IL1RAPL1: variants seen among roughly 807,000 people sequenced by gnomAD.
The protein encoded by IL1RAPL1 is interleukin 1 receptor accessory protein like 1, also known as interleukin-1 receptor accessory protein-like 1.
Under a neutral mutation model 48.4 loss-of-function variants are expected in IL1RAPL1, and 3 were observed. The observed-to-expected ratio is 0.06, with a 90% CI of 0.03 to 0.16. The LOEUF (loss-of-function observed/expected upper bound fraction) is 0.16. Ranked by LOEUF, IL1RAPL1 falls within the 10% of genes least tolerant of loss-of-function variation. The probability of loss-of-function intolerance (pLI) is 1.00; values close to 1 mark genes in which losing one functional copy is unlikely to be tolerated. For missense variants in IL1RAPL1, 349 were observed against 530.6 expected (o/e 0.66, Z 3.36); for synonymous variants, 185 against 187.7 (o/e 0.99, Z 0.12).
At chrX:29,899,254 G>C (rs1422289157) in intron 6 of IL1RAPL1, among the ~76,000 whole-genome samples, 2 of 111,074 alleles carry the variant, frequency 1.8e-5, no homozygotes, top group African/African-American at 6.6e-5. Flanking sequence ...AGAATTTTGA[G>C]GGTTGTCAGA....
At chrX:29,821,344 G>A (rs1404634981) in intron 6 of IL1RAPL1, among the ~76,000 whole-genome samples, 4 of 110,625 alleles carry the variant, frequency 3.6e-5, no homozygotes, top group Non-Finnish European at 7.6e-5. Flanking sequence ...CAGCTACTCG[G>A]GAGGCTGAGG....
At chrX:29,641,934 A>G (rs1925181843) in intron 5 of IL1RAPL1, among the ~76,000 whole-genome samples, 1 of 112,399 alleles carries the variant, frequency 8.9e-6, no homozygotes, top group Non-Finnish European at 1.9e-5. Flanking sequence ...TGAAAAGCAC[A>G]TCTTGCTGCA....
intron 2 of IL1RAPL1, among the ~76,000 whole-genome samples, chrX:28,796,314 T>C (rs1262067934): frequency 9.0e-6 from 1 of 110,822 alleles, no homozygotes; most frequent in Non-Finnish European, 1.9e-5. Context: ...ATCACAACAG[T>C]CCCCCAAAGT....
intron 5 of IL1RAPL1, among the ~76,000 whole-genome samples, chrX:29,551,765 G>A (rs1198853600): frequency 2.7e-5 from 3 of 109,973 alleles, no homozygotes; most frequent in Admixed American, 9.7e-5. Flanking sequence ...ACATTCTCAA[G>A]GTCTCTCTTT....
chrX:29,613,712 CGTGTGTGTGTGTGTGTGTGTGT>C (rs753582133), intron 5 of IL1RAPL1, among the ~76,000 whole-genome samples: 18 of 58,801 alleles, frequency 3.1e-4, no homozygotes, highest in Non-Finnish European at 5.2e-4. Context: ...GGGTTTTTTT[CGTGTGTGTGTGTGTGTGTGTGT>C]GTGTGTGTGT....
At position 29,917,371 on chromosome X, in the gene IL1RAPL1, A is replaced by G. The variant is rs767397691; in HGVS notation, c.779-93A>G. The G allele has an allele frequency of 8.2e-5, 64 of 779,411 alleles. No homozygotes were observed. The East Asian group carries it at 2.0e-3, about 24-fold the overall frequency. The allele number at this position is 779,411 out of a possible 1,213,427, so 64.2% of individuals were successfully genotyped here. On this transcript the variant is annotated intron_variant, in intron 6 of 10. Transcript: ENST00000378993. Reference sequence around the variant, plus strand: ...TTTTAGAAAGATATTTTATTAAATCAATGAAAAGTGATCAAAATGTTACCT... The same window carrying G: ...TTTTAGAAAGATATTTTATTAAATCGATGAAAAGTGATCAAAATGTTACCT...
intron 2 of IL1RAPL1, among the ~76,000 whole-genome samples, chrX:29,209,511 G>T (rs1293636753): frequency 8.9e-6 from 1 of 111,862 alleles, no homozygotes; most frequent in Non-Finnish European, 1.9e-5. Context: ...TGGGAATAGC[G>T]AATTCCAAGC....
intron 2 of IL1RAPL1, among the ~76,000 whole-genome samples, chrX:28,827,447 C>A (rs766675024): frequency 1.8e-3 from 201 of 111,160 alleles, no homozygotes; most frequent in African/African-American, 6.3e-3. Flanking sequence ...TAATATGAAA[C>A]AGGAAGTGAT....
intron 1 of IL1RAPL1, among the ~76,000 whole-genome samples, chrX:28,614,174 C>T (rs1400610682): frequency 9.7e-5 from 8 of 82,261 alleles, no homozygotes; most frequent in Middle Eastern, 6.5e-3. Context: ...CATAAGCTTT[C>T]GTTCTTGTTT....
At chrX:29,343,808 A>G (rs759836544) in intron 3 of IL1RAPL1, among the ~76,000 whole-genome samples, 4 of 111,443 alleles carry the variant, frequency 3.6e-5, no homozygotes, top group East Asian at 5.6e-4. Flanking sequence ...AAGATTCCCA[A>G]AAACATTAGT....
rs189559431 is a variant in IL1RAPL1, at chrX:29,382,481, C to T, written c.363-13777C>T. Among the ~76,000 whole-genome samples the T allele has an allele frequency of 7.2e-5, 8 of 111,355 alleles. No individual in the cohort carries two copies. In the East Asian group the frequency reaches 1.4e-3, roughly 20 times the overall value. ...CAGTGTAATTATTCCACCTCCCCTACGGCCAGGGATCAGTGTTTTTCATAT... is the reference window on the plus strand; with the variant it reads ...CAGTGTAATTATTCCACCTCCCCTATGGCCAGGGATCAGTGTTTTTCATAT... On this transcript the variant is annotated intron_variant, in intron 3 of 10. Coordinates refer to ENST00000378993, the MANE Select transcript of IL1RAPL1 (RefSeq NM_014271.4).
chrX:29,858,827 G>A (rs1347096841), intron 6 of IL1RAPL1, among the ~76,000 whole-genome samples: 1 of 110,076 alleles, frequency 9.1e-6, no homozygotes, highest in Non-Finnish European at 1.9e-5. Flanking sequence ...TTTAGTCCTA[G>A]TCCTGCATGG....
chrX:29,232,961 G>A (rs1931228176), intron 2 of IL1RAPL1, among the ~76,000 whole-genome samples: 1 of 109,408 alleles, frequency 9.1e-6, no homozygotes, highest in South Asian at 4.0e-4. Flanking sequence ...ACCGCACCCA[G>A]CTAATTTTTA....
At chrX:29,768,258 G>A (rs1205488006) in intron 6 of IL1RAPL1, among the ~76,000 whole-genome samples, 1 of 111,620 alleles carries the variant, frequency 9.0e-6, no homozygotes, top group Non-Finnish European at 1.9e-5. Flanking sequence ...TGCATTTTAA[G>A]CAGAAAGAAA....
intron 2 of IL1RAPL1, among the ~76,000 whole-genome samples, chrX:28,831,566 GT>G (rs1396321720): frequency 9.1e-6 from 1 of 110,075 alleles, no homozygotes; most frequent in Non-Finnish European, 1.9e-5. Flanking sequence ...CTAGGCTATT[GT>G]TTTTTTCAAG....
chrX:29,536,928 G>A (rs1166124191), intron 5 of IL1RAPL1, among the ~76,000 whole-genome samples: 1 of 109,142 alleles, frequency 9.2e-6, no homozygotes, highest in Non-Finnish European at 1.9e-5. Flanking sequence ...ATAAGCAATG[G>A]CTTTATTATA....
At chrX:29,186,737 C>T (rs999594685) in intron 2 of IL1RAPL1, among the ~76,000 whole-genome samples, 8 of 111,251 alleles carry the variant, frequency 7.2e-5, no homozygotes, top group Non-Finnish European at 1.3e-4. Context: ...TAGTATATGA[C>T]AGATATTCTA....
intron 2 of IL1RAPL1, among the ~76,000 whole-genome samples, chrX:28,964,617 T>C (rs143793825): frequency 8.9e-6 from 1 of 111,837 alleles, no homozygotes; most frequent in African/African-American, 3.2e-5. Flanking sequence ...ATTTCCAAAT[T>C]ATTCCCCCAA....
intron 1 of IL1RAPL1, among the ~76,000 whole-genome samples, chrX:28,787,627 C>T (rs970276767): frequency 4.5e-5 from 5 of 111,619 alleles, no homozygotes; most frequent in Non-Finnish European, 9.4e-5. Flanking sequence ...GTGATGGTGA[C>T]ACCTTGCCAC....
Sources: gnomAD v4.1 joint callset for allele counts (sites outside exome capture counted in the v4.1 genomes callset) on GRCh38, gnomAD v4.1.1 for gene constraint, MANE v1.5 for transcripts, NCBI Gene and HGNC (gene_info 2026-07-23, HGNC 2026-07-21) for gene names.